SEH1L: variants seen among roughly 807,000 people sequenced by gnomAD.
SEH1L encodes the protein nucleoporin SEH1.
Under a neutral mutation model 49.5 loss-of-function variants are expected in SEH1L, and 18 were observed. That is an observed-to-expected ratio of 0.36 (90% CI 0.25 to 0.54). The LOEUF (loss-of-function observed/expected upper bound fraction) is 0.54, where lower values mean the gene tolerates loss of function less well. Ranked by LOEUF, SEH1L falls within the 20% of genes least tolerant of loss-of-function variation. SEH1L has a pLI of 0.87. For missense variants in SEH1L, 404 were observed against 528.8 expected (o/e 0.76, Z 2.31); for synonymous variants, 169 against 178.1 (o/e 0.95, Z 0.41).
intron 4 of SEH1L, among the ~76,000 whole-genome samples, chr18:12,967,409 AC>A (rs1234698612): frequency 6.6e-6 from 1 of 152,228 alleles, no homozygotes; most frequent in Non-Finnish European, 1.5e-5. Context: ...GGAACACCAG[AC>A]AGCACTTCAG....
At chr18:12,966,599 G>A (rs1429014811) in intron 4 of SEH1L, among the ~76,000 whole-genome samples, 2 of 151,872 alleles carry the variant, frequency 1.3e-5, no homozygotes, top group South Asian at 2.1e-4. Context: ...ATGGGGTTTC[G>A]CCTTGTTGCC....
chr18:12,950,582 T>C (rs28550089), intron 1 of SEH1L, among the ~76,000 whole-genome samples: 16,055 of 152,218 alleles, frequency 0.11, 2,615 homozygotes, highest in African/African-American at 0.35. Flanking sequence ...ACTGAAATTT[T>C]TCATTAGTTT....
At chr18:12,975,827 C>T (rs2031895746) in intron 5 of SEH1L, 2 of 985,654 alleles carry the variant, frequency 2.0e-6, no homozygotes, top group Non-Finnish European at 2.4e-6. Flanking sequence ...TGCACTGTGG[C>T]GTGGGATGAA....
intron 4 of SEH1L, among the ~76,000 whole-genome samples, chr18:12,970,948 A>G (rs2031673809): frequency 1.3e-5 from 2 of 152,188 alleles, no homozygotes; most frequent in South Asian, 4.1e-4. Flanking sequence ...GTTCATAAGG[A>G]TGGAATCTTC....
At chr18:12,962,813 T>G (rs2031254885) in intron 3 of SEH1L, among the ~76,000 whole-genome samples, 1 of 152,066 alleles carries the variant, frequency 6.6e-6, no homozygotes, top group African/African-American at 2.4e-5. Flanking sequence ...GCATGCTTTG[T>G]GTGACAAAAC....
chr18:12,960,460 C>G (rs1313818829), intron 3 of SEH1L, among the ~76,000 whole-genome samples: 1 of 152,188 alleles, frequency 6.6e-6, no homozygotes, highest in Non-Finnish European at 1.5e-5. Flanking sequence ...TCTGGGCTCT[C>G]TTGTGGACAT....
chr18:12,968,752 A>G (rs1371145775), intron 4 of SEH1L, among the ~76,000 whole-genome samples: 1 of 152,200 alleles, frequency 6.6e-6, no homozygotes, highest in African/African-American at 2.4e-5. Context: ...GCGGAGATCC[A>G]GGTGATCTGT....
chr18:12,982,434 C>CGT (rs879903639), intron 6 of SEH1L, 84 bp from the exon 7 acceptor site: 20 of 930,250 alleles, frequency 2.1e-5, no homozygotes, highest in East Asian at 1.1e-4. Context: ...TAGAATTTTA[C>CGT]GTGTGTATAT....
At chr18:12,963,794 C>A (rs756145911) in intron 4 of SEH1L, among the ~76,000 whole-genome samples, 16 of 152,198 alleles carry the variant, frequency 1.1e-4, no homozygotes, top group Non-Finnish European at 2.1e-4. Context: ...CTCACAGTAG[C>A]CTCCACCTCC....
At chr18:12,986,823 G>C (rs1320369235) in intron 8 of SEH1L, 39 bp from the exon 9 acceptor site, 2 of 1,158,978 alleles carry the variant, frequency 1.7e-6, no homozygotes, top group Non-Finnish European at 2.1e-6. Flanking sequence ...TCCTGTTTTT[G>C]TTTTGTTTGG....
intron 1 of SEH1L, 78 bp downstream of exon 1, chr18:12,948,310 T>C: frequency 4.7e-6 from 5 of 1,055,842 alleles, no homozygotes; most frequent in Non-Finnish European, 5.7e-6. Context: ...GGAACGGGGC[T>C]GTGTCTTGGT....
In SEH1L at chr18:12,987,079, G is replaced by A; in HGVS notation, c.*22G>A. The A allele has an allele frequency of 6.6e-7, 1 of 1,505,252 alleles. No individual in the cohort carries two copies. The highest frequency in any genetic ancestry group is 9.1e-7 in the Non-Finnish European group (1 of 1,102,678). The allele number at this position is 1,505,252 out of a possible 1,614,324, so 93.2% of individuals were successfully genotyped here. A position where few individuals can be genotyped will look rare whatever the true frequency, so the allele number is the denominator to read the frequency against. On this transcript the variant is annotated 3_prime_UTR_variant, in exon 9 of 9. Transcript: ENST00000399892. ...TTAAAACACTGATTTAACATTGAAA[G>A]GCCTTATTCAAGTGCTTGTAAATGC...
Position 12,982,571 on chromosome 18 carries a change from C to G in SEH1L, c.815C>G (p.Ala272Gly). The change falls in exon 7 of 9, where the codon GCT becomes GGT. Residue 272 changes from alanine (A) to glycine (G), a missense_variant. This residue lies in a region of SEH1L where 342 missense variants were observed against 430.8 expected (regional missense o/e 0.79). Transcript: ENST00000399892. ...ACAAAGTTTGAAATCCATATAGTGG[C>G]TCAGTTCGATAATCATAATTCTCAG... ...GPTKFEIHIV[A>G]QFDNHNSQVW... The G allele has an allele frequency of 6.2e-7, 1 of 1,613,776 alleles. No homozygotes were observed. Among genetic ancestry groups the G allele is most frequent in the Non-Finnish European group, 8.5e-7 (1 of 1,179,718 alleles).
chr18:12,972,931 C>T (rs531948327), intron 5 of SEH1L: 1 of 152,242 alleles, frequency 6.6e-6, no homozygotes, highest in African/African-American at 2.4e-5. Context: ...ATTGGCCACG[C>T]GAGGTGACTT....
At chr18:12,968,092 G>A (rs2031533061) in intron 4 of SEH1L, among the ~76,000 whole-genome samples, 1 of 152,120 alleles carries the variant, frequency 6.6e-6, no homozygotes, top group African/African-American at 2.4e-5. Context: ...TGCGCCACTT[G>A]TTTTTCTTGG....
chr18:12,982,745 C>T, intron 7 of SEH1L, 70 bp downstream of exon 7: 1 of 1,219,946 alleles, frequency 8.2e-7, no homozygotes. Flanking sequence ...AAAATGTAAA[C>T]TCTGAAATAT....
At chr18:12,985,593 G>A in intron 8 of SEH1L, 1 of 1,060,510 alleles carries the variant, frequency 9.4e-7, no homozygotes, top group Non-Finnish European at 1.1e-6. Context: ...GTAGTTGGGA[G>A]GAGGGGAATA....
At chr18:12,950,424 T>C (rs2030447212) in intron 1 of SEH1L, among the ~76,000 whole-genome samples, 1 of 152,200 alleles carries the variant, frequency 6.6e-6, no homozygotes, top group South Asian at 2.1e-4. Flanking sequence ...GCAAGTAATA[T>C]ATTTTTCTTT....
chr18:12,975,992 G>A, intron 5 of SEH1L: 1 of 515,130 alleles, frequency 1.9e-6, no homozygotes, highest in Non-Finnish European at 2.5e-6. Flanking sequence ...ATATGTTTGA[G>A]GTGCGTTTGG....
Sources: gnomAD v4.1 joint callset for allele counts (sites outside exome capture counted in the v4.1 genomes callset) on GRCh38, gnomAD v4.1.1 for gene constraint, gnomAD v4.1.1 regional missense constraint, MANE v1.5 for transcripts, NCBI Gene and HGNC (gene_info 2026-07-23, HGNC 2026-07-21) for gene names.